Variants in SLC4A10 observed in about 807,000 individuals in gnomAD.
SLC4A10 encodes the protein solute carrier family 4 member 10.
A neutral mutation model predicts 137.7 loss-of-function variants in SLC4A10; 42 were observed. The observed-to-expected ratio is 0.30, with a 90% CI of 0.24 to 0.39. SLC4A10 has a LOEUF of 0.39. Ranked by LOEUF, SLC4A10 falls within the 10% of genes least tolerant of loss-of-function variation. The probability of loss-of-function intolerance (pLI) is 1.00; values close to 1 mark genes in which losing one functional copy is unlikely to be tolerated. For synonymous variants in SLC4A10, 474 were observed against 464.1 expected (o/e 1.02, Z -0.27); for missense variants, 925 against 1,355.0 (o/e 0.68, Z 4.98).
At chr2:161,951,666 G>GA (rs911814529) in intron 19 of SLC4A10, among the ~76,000 whole-genome samples, 22 of 152,034 alleles carry the variant, frequency 1.4e-4, no homozygotes, top group Non-Finnish European at 2.2e-4. Context: ...AACTCTAGGA[G>GA]AAAAAATCAT....
chr2:161,653,019 A>C (rs2037021738), intron 1 of SLC4A10, among the ~76,000 whole-genome samples: 1 of 151,852 alleles, frequency 6.6e-6, no homozygotes, highest in South Asian at 2.1e-4. Context: ...ATCCCTCGAG[A>C]GGCCTCAGTG....
At chr2:161,729,995 T>C (rs2046659623) in intron 1 of SLC4A10, among the ~76,000 whole-genome samples, 1 of 152,326 alleles carries the variant, frequency 6.6e-6, no homozygotes, top group East Asian at 1.9e-4. Context: ...CTTGGGTTAC[T>C]GAATGCTCTG....
chr2:161,734,364 A>G (rs1400379519), intron 1 of SLC4A10, among the ~76,000 whole-genome samples: 5 of 152,162 alleles, frequency 3.3e-5, no homozygotes, highest in Non-Finnish European at 5.9e-5. Flanking sequence ...GTCTCATGAG[A>G]TCTGATGGTT....
intron 1 of SLC4A10, among the ~76,000 whole-genome samples, chr2:161,733,900 T>C (rs1017051148): frequency 1.3e-5 from 2 of 152,184 alleles, no homozygotes; most frequent in Non-Finnish European, 2.9e-5. Context: ...TGGATTTTTA[T>C]GATTTGACTG....
At chr2:161,815,352 G>A (rs1381261876) in intron 3 of SLC4A10, among the ~76,000 whole-genome samples, 4 of 152,060 alleles carry the variant, frequency 2.6e-5, no homozygotes, top group Admixed American at 2.6e-4. Context: ...GATTTATAAG[G>A]CAGTGTTCCC....
intron 15 of SLC4A10, among the ~76,000 whole-genome samples, chr2:161,921,170 T>A (rs902319497): frequency 6.6e-6 from 1 of 152,178 alleles, no homozygotes; most frequent in African/African-American, 2.4e-5. Context: ...ATCTCTCCAT[T>A]TCTGTTGTAC....
chr2:161,671,176 T>C (rs2039670461), intron 1 of SLC4A10, among the ~76,000 whole-genome samples: 1 of 152,112 alleles, frequency 6.6e-6, no homozygotes, highest in South Asian at 2.1e-4. Context: ...ATCGATAGAA[T>C]TCAGACCCTT....
At chr2:161,740,352 C>T (rs1425042037) in intron 1 of SLC4A10, among the ~76,000 whole-genome samples, 1 of 152,164 alleles carries the variant, frequency 6.6e-6, no homozygotes, top group Non-Finnish European at 1.5e-5. Flanking sequence ...CACTTCCTTG[C>T]ATTCCCAGGT....
At chr2:161,848,033 T>C (rs1483811817) in intron 4 of SLC4A10, among the ~76,000 whole-genome samples, 1 of 152,124 alleles carries the variant, frequency 6.6e-6, no homozygotes, top group Non-Finnish European at 1.5e-5. Context: ...CCTCACCAGC[T>C]TCTGTTATTT....
At chr2:161,938,071 G>T (rs534798753) in intron 15 of SLC4A10, among the ~76,000 whole-genome samples, 3 of 152,068 alleles carry the variant, frequency 2.0e-5, no homozygotes, top group Non-Finnish European at 2.9e-5. Flanking sequence ...CCAGGAGTTA[G>T]AGGCCAGCTG....
chr2:161,889,502 T>C (rs964789597), intron 10 of SLC4A10, among the ~76,000 whole-genome samples: 2 of 152,296 alleles, frequency 1.3e-5, no homozygotes, highest in Admixed American at 6.5e-5. Flanking sequence ...CTTCCTGCTT[T>C]AGTCTTGGGA....
chr2:161,897,246 G>C (rs1040577041), intron 11 of SLC4A10, among the ~76,000 whole-genome samples: 1 of 152,068 alleles, frequency 6.6e-6, no homozygotes, highest in South Asian at 2.1e-4. Context: ...TTGCAGGCAT[G>C]AGTATTAAGA....
At chr2:161,704,458 A>G (rs1357089613) in intron 1 of SLC4A10, among the ~76,000 whole-genome samples, 1 of 151,724 alleles carries the variant, frequency 6.6e-6, no homozygotes, top group Non-Finnish European at 1.5e-5. Context: ...CAAAATTTTT[A>G]GTAAAAAGAG....
At chr2:161,882,512 T>C in intron 10 of SLC4A10, 68 bp downstream of exon 10, 1 of 917,216 alleles carries the variant, frequency 1.1e-6, no homozygotes, top group Non-Finnish European at 1.6e-6. Context: ...GGAGGTCCTC[T>C]TTTCATGACA....
chr2:161,839,658 TG>T, intron 3 of SLC4A10, 130 bp from the exon 4 acceptor site: 1 of 875,228 alleles, frequency 1.1e-6, no homozygotes, highest in Non-Finnish European at 1.7e-6. Context: ...AGTGTTGCAG[TG>T]GGGAGCAGGG....
At chr2:161,917,088 A>T (rs943208790) in intron 15 of SLC4A10, among the ~76,000 whole-genome samples, 2 of 152,148 alleles carry the variant, frequency 1.3e-5, no homozygotes, top group Non-Finnish European at 2.9e-5. Context: ...TTACATTTCT[A>T]AAGTTTTGCC....
At chr2:161,798,716 G>T (rs1450322561) in intron 2 of SLC4A10, among the ~76,000 whole-genome samples, 1 of 150,968 alleles carries the variant, frequency 6.6e-6, no homozygotes, top group Non-Finnish European at 1.5e-5. Context: ...TTAAGTTAGA[G>T]AGAAAAAACC....
chr2:161,681,265 G>A (rs746538308), intron 1 of SLC4A10, among the ~76,000 whole-genome samples: 7 of 151,918 alleles, frequency 4.6e-5, no homozygotes, highest in Non-Finnish European at 8.8e-5. Context: ...CCACCATTTC[G>A]CATCAGCCAT....
chr2:161,737,402 T>G (rs1330442241), intron 1 of SLC4A10, among the ~76,000 whole-genome samples: 1 of 151,962 alleles, frequency 6.6e-6, no homozygotes, highest in Non-Finnish European at 1.5e-5. Context: ...CTACTTTTTA[T>G]AAATACTTTA....
Sources: allele counts gnomAD v4.1 joint callset (sites outside exome capture counted in the v4.1 genomes callset), GRCh38; gene constraint gnomAD v4.1.1; transcripts MANE v1.5; gene names NCBI Gene and HGNC (gene_info 2026-07-23, HGNC 2026-07-21).